FYB1: variants seen among roughly 807,000 people sequenced by gnomAD.
FYB1 encodes the protein FYN binding protein 1.
FYB1 carries 41 observed loss-of-function variants against 94.1 expected under a neutral mutation model. That is an observed-to-expected ratio of 0.44 (90% CI 0.34 to 0.57). The LOEUF is 0.57. Among genes scored for constraint, FYB1 ranks in the 20% least tolerant of loss-of-function variants. FYB1 has a pLI of 0.02. For missense variants in FYB1, 1,050 were observed against 976.8 expected (o/e 1.07, Z -1.00); for synonymous variants, 367 against 353.2 (o/e 1.04, Z -0.44).
chr5:39,204,451 C>G (rs1024613294), intron 1 of FYB1, among the ~76,000 whole-genome samples: 9 of 152,116 alleles, frequency 5.9e-5, no homozygotes, highest in African/African-American at 2.2e-4. Flanking sequence ...TTGTAAAATG[C>G]CTGTCTGGTG....
intron 16 of FYB1, 62 bp from the exon 17 acceptor site, chr5:39,110,451 T>C: frequency 2.8e-6 from 3 of 1,089,394 alleles, no homozygotes; most frequent in Non-Finnish European, 4.1e-6. Flanking sequence ...TTTAGTACTT[T>C]TTTCAGGAAA....
intron 2 of FYB1, among the ~76,000 whole-genome samples, chr5:39,155,835 G>T (rs1580410270): frequency 1.3e-5 from 2 of 152,014 alleles, no homozygotes; most frequent in East Asian, 3.9e-4. Context: ...TGTCTGATAA[G>T]CTATTACTTA....
intron 1 of FYB1, among the ~76,000 whole-genome samples, chr5:39,249,513 G>T (rs1751626358): frequency 6.6e-6 from 1 of 152,174 alleles, no homozygotes; most frequent in South Asian, 2.1e-4. Context: ...GGAGCTATAT[G>T]GAGGGTTGGA....
chr5:39,217,390 C>A (rs1186601844), intron 1 of FYB1, among the ~76,000 whole-genome samples: 1 of 152,148 alleles, frequency 6.6e-6, no homozygotes, highest in African/African-American at 2.4e-5. Context: ...CTGGGTCTCT[C>A]CCTTGCTCAT....
At chr5:39,271,993 T>C (rs1286434717) in intron 1 of FYB1, among the ~76,000 whole-genome samples, 1 of 151,996 alleles carries the variant, frequency 6.6e-6, no homozygotes, top group Non-Finnish European at 1.5e-5. Flanking sequence ...TTATCTACTG[T>C]CTGTTAGAAT....
chr5:39,185,641 T>TGTAC (rs1554034824), intron 2 of FYB1, among the ~76,000 whole-genome samples: 3 of 145,068 alleles, frequency 2.1e-5, no homozygotes, highest in South Asian at 4.3e-4. Flanking sequence ...TATATATATA[T>TGTAC]ACACACACAC....
At chr5:39,205,869 C>T (rs1367052407) in intron 1 of FYB1, among the ~76,000 whole-genome samples, 2 of 152,114 alleles carry the variant, frequency 1.3e-5, no homozygotes, top group East Asian at 3.8e-4. Context: ...ATAACAGTAC[C>T]TATAGCTCAC....
intron 1 of FYB1, among the ~76,000 whole-genome samples, chr5:39,246,746 G>T (rs1015649926): frequency 2.0e-5 from 3 of 152,106 alleles, no homozygotes; most frequent in Non-Finnish European, 4.4e-5. Context: ...TTAAAAAGAT[G>T]TGATAGATCC....
rs578236840 is a variant in FYB1, at chr5:39,155,499, G to A, written c.1136-1895C>T. On this transcript the variant is annotated intron_variant, in intron 2 of 18. Transcript: ENST00000512982. ...ATGTTAGAAATGTTGAATCCGGTTCGTTTTTGTCCTAACTAAAATAAAAAT... is the reference window on the plus strand; with the variant it reads ...ATGTTAGAAATGTTGAATCCGGTTCATTTTTGTCCTAACTAAAATAAAAAT... Among the ~76,000 whole-genome samples the A allele has an allele frequency of 1.1e-4, 16 of 152,228 alleles. 1 individual carries two copies. Among genetic ancestry groups the A allele is most frequent in the Middle Eastern group, 3.4e-3 (1 of 294 alleles).
intron 2 of FYB1, among the ~76,000 whole-genome samples, chr5:39,158,990 T>C (rs907787946): frequency 1.3e-5 from 2 of 152,186 alleles, no homozygotes; most frequent in Non-Finnish European, 2.9e-5. Context: ...TGTGATTTAG[T>C]TTCTCCATCT....
upstream of FYB1, chr5:39,219,590 T>G (rs1434638144): frequency 1.0e-6 from 1 of 985,302 alleles, no homozygotes; most frequent in East Asian, 1.1e-4. Context: ...TGGCAGGGTT[T>G]TGTCCCGGTC....
intron 3 of FYB1, among the ~76,000 whole-genome samples, chr5:39,150,987 T>C (rs1743200195): frequency 6.6e-6 from 1 of 151,826 alleles, no homozygotes; most frequent in African/African-American, 2.4e-5. Flanking sequence ...TATCATGGCT[T>C]ACAAGGCCCT....
chr5:39,108,784 A>C (rs1162531287), intron 17 of FYB1, among the ~76,000 whole-genome samples: 3 of 152,198 alleles, frequency 2.0e-5, no homozygotes, highest in Admixed American at 2.0e-4. Flanking sequence ...TATGATTATT[A>C]TGGTGATTCT....
In FYB1 at chr5:39,169,348, G is replaced by T; in HGVS notation, c.1136-15744C>A. On this transcript the variant is annotated intron_variant, in intron 2 of 18. Coordinates refer to ENST00000512982, the MANE Select transcript of FYB1 (RefSeq NM_001465.6). ...TATCTTTGGAGAAAAATTCCCAGAC[G>T]AATACTAAACCGGTCAATTGAACTA... 4.0e-6 allele frequency: 3 copies of T among 758,974 alleles called. No homozygotes were observed. The Admixed American group carries it at 5.1e-5, about 13-fold the overall frequency. The allele number at this position is 758,974 out of a possible 1,614,324, so 47.0% of individuals were successfully genotyped here. A position where few individuals can be genotyped will look rare whatever the true frequency, so the allele number is the denominator to read the frequency against.
At chr5:39,226,289 G>C (rs897255491) in intron 1 of FYB1, among the ~76,000 whole-genome samples, 3 of 152,008 alleles carry the variant, frequency 2.0e-5, no homozygotes, top group African/African-American at 7.3e-5. Flanking sequence ...AGTGGCTTCC[G>C]ATAGAATTGT....
intron 1 of FYB1, among the ~76,000 whole-genome samples, chr5:39,264,946 T>G (rs985342455): frequency 3.9e-5 from 6 of 152,226 alleles, no homozygotes; most frequent in African/African-American, 1.4e-4. Context: ...ATTTGTTCAC[T>G]TTGATGTTTT....
intron 2 of FYB1, chr5:39,170,101 G>C (rs1014193784): frequency 2.1e-5 from 18 of 848,628 alleles, no homozygotes; most frequent in South Asian, 1.6e-4. Context: ...TAAGATGGTG[G>C]CTTTTTGATT....
chr5:39,139,714 G>T (rs999172967), intron 4 of FYB1: 1 of 151,976 alleles, frequency 6.6e-6, no homozygotes, highest in African/African-American at 2.4e-5. Context: ...ACTGAATATT[G>T]AAACAGAATC....
intron 11 of FYB1, among the ~76,000 whole-genome samples, chr5:39,126,377 A>G (rs1740672502): frequency 6.6e-6 from 1 of 152,098 alleles, no homozygotes; most frequent in Non-Finnish European, 1.5e-5. Flanking sequence ...CCACTTCTTA[A>G]AATGTGAAGC....
Sources: gnomAD v4.1 joint callset for allele counts (sites outside exome capture counted in the v4.1 genomes callset) on GRCh38, gnomAD v4.1.1 for gene constraint, MANE v1.5 for transcripts, NCBI Gene and HGNC (gene_info 2026-07-23, HGNC 2026-07-21) for gene names.